The following DAB1 variants were observed in gnomAD, a reference collection of about 807,000 sequenced individuals.
The protein encoded by DAB1 is DAB adaptor protein 1, also known as disabled homolog 1.
A neutral mutation model predicts 64.6 loss-of-function variants in DAB1; 15 were observed. The observed-to-expected ratio is 0.23, with a 90% CI of 0.16 to 0.36. The LOEUF (loss-of-function observed/expected upper bound fraction) is 0.36, where lower values mean the gene tolerates loss of function less well. DAB1 is among the 10% of genes least tolerant of loss of function. DAB1 has a pLI of 1.00. For synonymous variants in DAB1, 235 were observed against 251.9 expected, an observed-to-expected ratio of 0.93 and a Z score of 0.64; for missense variants, 596 against 706.7, an observed-to-expected ratio of 0.84 and a Z score of 1.78.
intron 4 of DAB1, among the ~76,000 whole-genome samples, chr1:58,176,088 G>A (rs1656458326): frequency 6.6e-6 from 1 of 152,130 alleles, no homozygotes; most frequent in South Asian, 2.1e-4. Flanking sequence ...CCTGTACACA[G>A]AGCCACATAT....
intron 3 of DAB1, among the ~76,000 whole-genome samples, chr1:58,407,944 T>G (rs1644632191): frequency 6.6e-6 from 1 of 152,190 alleles, no homozygotes; most frequent in Non-Finnish European, 1.5e-5. Context: ...TTGCACTGGC[T>G]TCTTGGTCTC....
At chr1:57,471,170 C>A (rs1687120953) in intron 7 of DAB1, among the ~76,000 whole-genome samples, 1 of 152,104 alleles carries the variant, frequency 6.6e-6, no homozygotes, top group Non-Finnish European at 1.5e-5. Flanking sequence ...TGATGACGAA[C>A]CAAATTCTAA....
chr1:57,410,524 G>T (rs1684023798), intron 1 of DAB1, among the ~76,000 whole-genome samples: 1 of 152,208 alleles, frequency 6.6e-6, no homozygotes, highest in Non-Finnish European at 1.5e-5. Context: ...AGAGGCAGGT[G>T]TCAAACTTAG....
At chr1:57,375,199 A>G (rs1680800443) in intron 1 of DAB1, among the ~76,000 whole-genome samples, 1 of 151,856 alleles carries the variant, frequency 6.6e-6, no homozygotes, top group Non-Finnish European at 1.5e-5. Flanking sequence ...TCTCCCACTC[A>G]TTTCCTCCCC....
chr1:57,429,631 T>C lies in DAB1; in HGVS notation n.626-138465A>G, dbSNP rs72676913. ...GATTTTTATTATTGCAAGTCTTCCA[T>C]CTGTCGTTAATCCATTTTGAGTTGA... On this transcript the variant is annotated intron_variant and non_coding_transcript_variant, in intron 7 of 20. Coordinates refer to the DAB1 transcript ENST00000485760. Among the ~76,000 whole-genome samples the C allele has an allele frequency of 5.5e-3, 838 of 152,332 alleles. 2 individuals carry two copies. The highest frequency in any genetic ancestry group is 0.01 in the Non-Finnish European group (681 of 68,024).
chr1:57,351,393 C>A (rs921644931), intron 1 of DAB1, among the ~76,000 whole-genome samples: 1 of 152,074 alleles, frequency 6.6e-6, no homozygotes, highest in African/African-American at 2.4e-5. Flanking sequence ...CTTCACAGGG[C>A]TGTATCAGGT....
At chr1:57,133,496 T>G (rs1456860160) in intron 4 of DAB1, among the ~76,000 whole-genome samples, 1 of 152,144 alleles carries the variant, frequency 6.6e-6, no homozygotes, top group Non-Finnish European at 1.5e-5. Flanking sequence ...CCTAGTAACA[T>G]CATGATATAT....
chr1:58,493,274 G>A (rs1183468951), intron 3 of DAB1, among the ~76,000 whole-genome samples: 2 of 152,032 alleles, frequency 1.3e-5, no homozygotes, highest in Non-Finnish European at 2.9e-5. Flanking sequence ...TCTCAAAATA[G>A]TAAGAGCTAT....
At chr1:58,175,234 A>G (rs1389893535) in intron 4 of DAB1, among the ~76,000 whole-genome samples, 1 of 152,002 alleles carries the variant, frequency 6.6e-6, no homozygotes, top group Admixed American at 6.6e-5. Flanking sequence ...GGAATAAACA[A>G]CTCCGGATGC....
At chr1:57,852,670 C>T (rs1653583875) in intron 1 of DAB1, among the ~76,000 whole-genome samples, 2 of 152,102 alleles carry the variant, frequency 1.3e-5, no homozygotes, top group Non-Finnish European at 2.9e-5. Context: ...CCCTCAGTCC[C>T]AGATTTTAAT....
At chr1:57,694,096 A>G (rs909034995) in intron 6 of DAB1, among the ~76,000 whole-genome samples, 2 of 152,184 alleles carry the variant, frequency 1.3e-5, no homozygotes, top group South Asian at 2.1e-4. Flanking sequence ...TCTTTAATCC[A>G]TTTTGATTTG....
At chr1:57,025,156 C>T (rs1234519001) in intron 10 of DAB1, among the ~76,000 whole-genome samples, 1 of 152,206 alleles carries the variant, frequency 6.6e-6, no homozygotes, top group Non-Finnish European at 1.5e-5. Context: ...GCTCTCTGCC[C>T]TCCTCCGGGA....
chr1:57,587,547 A>G (rs1215441395), intron 7 of DAB1, among the ~76,000 whole-genome samples: 1 of 152,136 alleles, frequency 6.6e-6, no homozygotes, highest in African/African-American at 2.4e-5. Flanking sequence ...TTATGGCTTA[A>G]TTCTCTCACC....
intron 3 of DAB1, among the ~76,000 whole-genome samples, chr1:58,440,369 C>T (rs1243171972): frequency 6.6e-6 from 1 of 152,124 alleles, no homozygotes; most frequent in Non-Finnish European, 1.5e-5. Context: ...AGCAGGAGGG[C>T]CATATTAATA....
chr1:57,158,437 A>G lies in DAB1; in HGVS notation c.68-13008T>C, dbSNP rs1030627767. On this transcript the variant is annotated intron_variant, in intron 2 of 14. Coordinates refer to ENST00000371236, the MANE Select transcript of DAB1 (RefSeq NM_001365792.1). ...AGATTCTCCCTCCTTCTGCATATCT[A>G]TCTGAATCAGAGGCTATCCATCCTG... is the stretch of plus-strand genomic sequence containing the variant. Among the ~76,000 whole-genome samples the G allele has an allele frequency of 5.3e-5, 8 of 152,132 alleles. No individual in the cohort carries two copies. The South Asian group carries it at 1.7e-3, about 32-fold the overall frequency.
intron 4 of DAB1, among the ~76,000 whole-genome samples, chr1:57,126,633 T>G (rs987885410): frequency 3.3e-5 from 5 of 152,212 alleles, no homozygotes; most frequent in Admixed American, 1.3e-4. Context: ...CAGCAAGATC[T>G]GGCAAAATAG....
intron 3 of DAB1, among the ~76,000 whole-genome samples, chr1:58,498,251 AAAC>A (rs1007812621): frequency 3.3e-5 from 5 of 152,058 alleles, no homozygotes; most frequent in African/African-American, 1.2e-4. Context: ...TAAAAAAAAA[AAAC>A]AACTTTTTCC....
intron 4 of DAB1, among the ~76,000 whole-genome samples, chr1:58,278,059 A>G (rs1248941395): frequency 6.6e-6 from 1 of 152,196 alleles, no homozygotes; most frequent in African/African-American, 2.4e-5. Context: ...TTGAAAGCTG[A>G]TATGGATTGG....
intron 4 of DAB1, among the ~76,000 whole-genome samples, chr1:58,157,219 C>T (rs78153894): frequency 2.6e-4 from 40 of 152,280 alleles, no homozygotes; most frequent in African/African-American, 9.6e-4. Context: ...AGCAATAATC[C>T]ATAATGCAAT....
Sources: allele counts gnomAD v4.1 joint callset (sites outside exome capture counted in the v4.1 genomes callset), GRCh38; gene constraint gnomAD v4.1.1; transcripts MANE v1.5; gene names NCBI Gene and HGNC (gene_info 2026-07-23, HGNC 2026-07-21).